The following DCC variants were observed in gnomAD, a reference collection of about 807,000 sequenced individuals.
DCC encodes netrin receptor DCC.
A neutral mutation model predicts 172.5 loss-of-function variants in DCC; 58 were observed. That is an observed-to-expected ratio of 0.34 (90% confidence interval 0.27 to 0.42). The LOEUF is 0.42. Ranked by LOEUF, DCC falls within the 10% of genes least tolerant of loss-of-function variation. The probability of loss-of-function intolerance (pLI) is 1.00; values close to 1 mark genes in which losing one functional copy is unlikely to be tolerated. For missense variants in DCC, 1,740 were observed against 1,791.0 expected, an observed-to-expected ratio of 0.97 and a Z score of 0.51; for synonymous variants, 709 against 644.5, an observed-to-expected ratio of 1.10 and a Z score of -1.52.
At chr18:52,918,058 A>T (rs541504591) in intron 3 of DCC, among the ~76,000 whole-genome samples, 4 of 152,214 alleles carry the variant, frequency 2.6e-5, no homozygotes, top group East Asian at 3.9e-4. Flanking sequence ...TTTTTCTCTC[A>T]GTTTTATTTT....
intron 27 of DCC, among the ~76,000 whole-genome samples, chr18:53,506,435 C>G (rs1228092511): frequency 6.6e-6 from 1 of 152,036 alleles, no homozygotes; most frequent in Non-Finnish European, 1.5e-5. Context: ...TATGCTAAAG[C>G]CAAATAAATT....
At chr18:52,585,166 TG>T (rs765918061) in intron 1 of DCC, among the ~76,000 whole-genome samples, 1 of 152,236 alleles carries the variant, frequency 6.6e-6, no homozygotes, top group Non-Finnish European at 1.5e-5. Context: ...ATGGGCTTCC[TG>T]GTAACCAACA....
intron 5 of DCC, among the ~76,000 whole-genome samples, chr18:52,986,835 T>TACACACACACAC (rs147730924): frequency 1.5e-5 from 2 of 135,990 alleles, no homozygotes; most frequent in African/African-American, 2.9e-5. Context: ...CACATATACA[T>TACACACACACAC]ACACACACAC....
intron 2 of DCC, among the ~76,000 whole-genome samples, chr18:52,780,360 T>A (rs6508160): frequency 6.6e-6 from 1 of 152,134 alleles, no homozygotes; most frequent in African/African-American, 2.4e-5. Flanking sequence ...AATTATTAAT[T>A]CCAGTTTTTA....
intron 13 of DCC, among the ~76,000 whole-genome samples, chr18:53,314,458 C>T (rs577603454): frequency 4.6e-4 from 70 of 152,176 alleles, no homozygotes; most frequent in Non-Finnish European, 5.3e-4. Flanking sequence ...AAATCAGATT[C>T]AGTGCAACCT....
chr18:53,082,811 T>G (rs937154072), intron 7 of DCC, among the ~76,000 whole-genome samples: 6 of 152,122 alleles, frequency 3.9e-5, no homozygotes, highest in Admixed American at 2.0e-4. Flanking sequence ...ATTAGTTAAC[T>G]AGGATTTATA....
chr18:52,656,018 G>A (rs56202709), intron 1 of DCC, among the ~76,000 whole-genome samples: 9 of 107,900 alleles, frequency 8.3e-5, no homozygotes, highest in Admixed American at 5.4e-4. Flanking sequence ...ATATATGTGT[G>A]TATATATATG....
At chr18:52,812,055 A>G (rs544953103) in intron 2 of DCC, among the ~76,000 whole-genome samples, 6 of 152,340 alleles carry the variant, frequency 3.9e-5, no homozygotes, top group Admixed American at 2.0e-4. Flanking sequence ...GTGGTTTGAG[A>G]AGAAAAATAA....
At chr18:53,506,427 T>A (rs2046176190) in intron 27 of DCC, among the ~76,000 whole-genome samples, 1 of 152,204 alleles carries the variant, frequency 6.6e-6, no homozygotes, top group African/African-American at 2.4e-5. Flanking sequence ...TAGCATCTTA[T>A]GCTAAAGCCA....
intron 1 of DCC, among the ~76,000 whole-genome samples, chr18:52,730,599 A>G (rs192774278): frequency 1.3e-5 from 2 of 152,298 alleles, no homozygotes; most frequent in African/African-American, 4.8e-5. Context: ...AACGACTGGC[A>G]CTGTTCAGTG....
intron 2 of DCC, among the ~76,000 whole-genome samples, chr18:52,823,057 T>C (rs1320966757): frequency 6.6e-6 from 1 of 152,214 alleles, no homozygotes; most frequent in Non-Finnish European, 1.5e-5. Flanking sequence ...TTTGTGAAAC[T>C]ATGAGCGAAA....
chr18:53,369,240 G>A (rs544760233), intron 15 of DCC, among the ~76,000 whole-genome samples: 1 of 151,732 alleles, frequency 6.6e-6, no homozygotes, highest in East Asian at 1.9e-4. Flanking sequence ...ATTGTTCATT[G>A]TTATTTTATG....
At chr18:53,058,149 T>C (rs2042438750) in intron 5 of DCC, among the ~76,000 whole-genome samples, 1 of 152,184 alleles carries the variant, frequency 6.6e-6, no homozygotes, top group Admixed American at 6.6e-5. Context: ...CACTCTTTAG[T>C]CAGTTTTTCT....
At chr18:53,456,102 CAGAG>C (rs1349020342) in intron 23 of DCC, among the ~76,000 whole-genome samples, 1 of 152,052 alleles carries the variant, frequency 6.6e-6, no homozygotes, top group Non-Finnish European at 1.5e-5. Context: ...GTGAGTGGTA[CAGAG>C]AGAGATGAGG....
chr18:53,328,726 G>T lies in DCC; in HGVS notation c.2164+6569G>T, dbSNP rs190199295. Among the ~76,000 whole-genome samples, 449 of 152,148 alleles carry T rather than the reference G, an allele frequency of 3.0e-3. 16 individuals are homozygous for T. The highest frequency in any genetic ancestry group is 0.028 in the Admixed American group (435 of 15,268). ...ATTTTTGTATTTTTAGTAGAGACAG[G>T]GTTTCACCACGTGGGCCAGGCTGGT... On this transcript the variant is annotated intron_variant, in intron 14 of 28. Coordinates refer to ENST00000442544, the MANE Select transcript of DCC (RefSeq NM_005215.4).
intron 5 of DCC, among the ~76,000 whole-genome samples, chr18:53,020,544 C>T (rs1282248538): frequency 1.3e-5 from 2 of 152,110 alleles, no homozygotes; most frequent in Admixed American, 1.3e-4. Context: ...ACTGTATTTC[C>T]TAACAATGTG....
intron 1 of DCC, among the ~76,000 whole-genome samples, chr18:52,420,457 A>C (rs78957158): frequency 1.4e-3 from 209 of 152,246 alleles, no homozygotes; most frequent in African/African-American, 4.8e-3. Flanking sequence ...TACCACAATG[A>C]GTGTTAAAAA....
intron 5 of DCC, among the ~76,000 whole-genome samples, chr18:52,989,084 C>A (rs2041340542): frequency 1.3e-5 from 2 of 151,700 alleles, no homozygotes; most frequent in Admixed American, 1.3e-4. Flanking sequence ...AAATATTTTT[C>A]TTTAATTACA....
chr18:52,577,902 T>C (rs1007663864), intron 1 of DCC, among the ~76,000 whole-genome samples: 1 of 152,198 alleles, frequency 6.6e-6, no homozygotes, highest in African/African-American at 2.4e-5. Context: ...TTAGTGAGCA[T>C]AAGGAACATA....
Sources: allele counts gnomAD v4.1 joint callset (sites outside exome capture counted in the v4.1 genomes callset), GRCh38; gene constraint gnomAD v4.1.1; transcripts MANE v1.5; gene names NCBI Gene and HGNC (gene_info 2026-07-23, HGNC 2026-07-21).